The following CYP20A1 variants were observed in gnomAD, a reference collection of about 807,000 sequenced individuals.
The protein encoded by CYP20A1 is cytochrome P450 20A1.
CYP20A1 carries 61 observed loss-of-function variants against 61.4 expected under a neutral mutation model. The observed-to-expected ratio is 0.99, with a 90% confidence interval of 0.81 to 1.23. CYP20A1 has a LOEUF of 1.23. Among genes scored for constraint, CYP20A1 ranks in the 50% most tolerant of loss-of-function variants. The pLI, the probability that CYP20A1 is intolerant of heterozygous loss-of-function variation, is 0.00. For synonymous variants in CYP20A1, 193 were observed against 188.2 expected (o/e 1.03, Z -0.21); for missense variants, 530 against 542.4 (o/e 0.98, Z 0.23).
At chr2:203,294,941 A>ATTTTT (rs1167546590) in intron 11 of CYP20A1, among the ~76,000 whole-genome samples, 10,487 of 44,260 alleles carry the variant, frequency 0.24, 1,657 homozygotes, top group East Asian at 0.36. Context: ...CTTTAAAAAA[A>ATTTTT]TTTTTTTTTT....
At chr2:203,246,497 G>C (rs3769814) in intron 2 of CYP20A1, among the ~76,000 whole-genome samples, 19,658 of 152,234 alleles carry the variant, frequency 0.13, 2,003 homozygotes, top group East Asian at 0.52. Context: ...CAGTATCTAA[G>C]TCGGATGTTC....
In CYP20A1 at chr2:203,278,717, T is replaced by TA. The variant is rs748036020; in HGVS notation, c.795+36dup. 7.8e-6 allele frequency: 10 copies of TA among 1,290,050 alleles called. No homozygotes were observed. The African/African-American group carries it at 1.1e-4, about 14-fold the overall frequency. The allele number at this position is 1,290,050 out of a possible 1,614,324, so 79.9% of individuals were successfully genotyped here. ...ATATAATTGTTAAATGTTTATCAGGTAAAAAAATAAGCCAGAGCCAGGCAC... is the reference window on the plus strand; with the variant it reads ...ATATAATTGTTAAATGTTTATCAGGTAAAAAAAATAAGCCAGAGCCAGGCAC... On this transcript the variant is annotated intron_variant, in intron 7 of 12. Coordinates refer to ENST00000356079, the MANE Select transcript of CYP20A1 (RefSeq NM_177538.3).
At position 203,251,803 on chromosome 2, in the gene CYP20A1, A is replaced by ATATT. The variant is rs1278537492; in HGVS notation, c.290-161_290-160insTTAT. On this transcript the variant is annotated intron_variant, in intron 3 of 12. Coordinates refer to ENST00000356079, the MANE Select transcript of CYP20A1 (RefSeq NM_177538.3). The stretch of plus-strand genomic sequence containing the variant: ...ACTATATATATATGTGTATATATAT[A>ATATT]TATATATATATATAAAAAATAAAAA... Among the ~76,000 whole-genome samples the ATATT allele has an allele frequency of 3.7e-3, 311 of 84,780 alleles. 42 individuals carry two copies. Among genetic ancestry groups the ATATT allele is most frequent in the Admixed American group, 0.036 (296 of 8,284 alleles). 55.6% of individuals were successfully genotyped at this position (84,780 alleles called of 152,430 possible).
At position 203,278,693 on chromosome 2, in the gene CYP20A1, T is replaced by A. The variant is rs777785235; in HGVS notation, c.795+5T>A. ...GGGAACCTTAATGACCAACAGGTGA[T>A]ATAATTGTTAAATGTTTATCAGGTA... On this transcript the variant is annotated splice_donor_5th_base_variant and intron_variant, in intron 7 of 12. Coordinates refer to ENST00000356079, the MANE Select transcript of CYP20A1 (RefSeq NM_177538.3). 95 of 1,439,386 alleles carry A rather than the reference T, an allele frequency of 6.6e-5. No homozygotes were observed. Among genetic ancestry groups the A allele is most frequent in the Non-Finnish European group, 8.3e-5 (87 of 1,044,308 alleles). The allele number at this position is 1,439,386 out of a possible 1,614,324, so 89.2% of individuals were successfully genotyped here. A position where few individuals can be genotyped will look rare whatever the true frequency, so the allele number is the denominator to read the frequency against.
intron 1 of CYP20A1, among the ~76,000 whole-genome samples, chr2:203,243,092 T>C (rs184517226): frequency 6.6e-6 from 1 of 152,302 alleles, no homozygotes; most frequent in Non-Finnish European, 1.5e-5. Flanking sequence ...TAGATAACTT[T>C]TCATTCCTTC....
chr2:203,258,760 A>T (rs2067016188), intron 4 of CYP20A1, among the ~76,000 whole-genome samples: 1 of 152,106 alleles, frequency 6.6e-6, no homozygotes, highest in Non-Finnish European at 1.5e-5. Flanking sequence ...TGTTCTTTGA[A>T]GCTCTCAGGC....
intron 8 of CYP20A1, among the ~76,000 whole-genome samples, chr2:203,281,173 C>A (rs908875801): frequency 2.6e-5 from 4 of 152,050 alleles, no homozygotes; most frequent in African/African-American, 9.7e-5. Context: ...AAAAATACTT[C>A]AATAGGCATA....
At chr2:203,241,373 A>G (rs1043507281) in intron 1 of CYP20A1, among the ~76,000 whole-genome samples, 2 of 152,220 alleles carry the variant, frequency 1.3e-5, no homozygotes, top group Non-Finnish European at 2.9e-5. Context: ...CTGAAGATAC[A>G]CATTTGGGAG....
chr2:203,251,818 A>ATATAT (rs34132653), intron 3 of CYP20A1, 149 bp from the exon 4 acceptor site: 9,691 of 77,294 alleles, frequency 0.13, 948 homozygotes, highest in Admixed American at 0.18. Flanking sequence ...TATATATATA[A>ATATAT]AAAATAAAAA....
chr2:203,275,657 C>T (rs2067789537), intron 6 of CYP20A1, among the ~76,000 whole-genome samples: 1 of 152,158 alleles, frequency 6.6e-6, no homozygotes, highest in African/African-American at 2.4e-5. Flanking sequence ...CCAGGCTTGT[C>T]TCAAACTCCT....
chr2:203,244,568 T>C (rs1208167544), intron 1 of CYP20A1, among the ~76,000 whole-genome samples: 1 of 151,944 alleles, frequency 6.6e-6, no homozygotes, highest in Non-Finnish European at 1.5e-5. Context: ...TTGATTTTTT[T>C]TTTTTTTAAA....
At chr2:203,296,727 T>G in intron 12 of CYP20A1, 31 bp from the exon 13 acceptor site, 1 of 1,565,610 alleles carries the variant, frequency 6.4e-7, no homozygotes, top group Non-Finnish European at 8.6e-7. Context: ...TTTTTAATCT[T>G]TAGTAACTAA....
intron 7 of CYP20A1, 56 bp downstream of exon 7, chr2:203,278,744 A>G (rs2067925035): frequency 1.1e-6 from 1 of 927,298 alleles, no homozygotes; most frequent in Non-Finnish European, 1.6e-6. Flanking sequence ...GCCAGGCACA[A>G]TGGCTCATGA....
At chr2:203,240,239 G>C (rs943793005) in intron 1 of CYP20A1, among the ~76,000 whole-genome samples, 1 of 152,206 alleles carries the variant, frequency 6.6e-6, no homozygotes, top group Non-Finnish European at 1.5e-5. Context: ...AAATGGATTA[G>C]ACTAGAATCT....
At chr2:203,244,125 G>A (rs757581851) in intron 1 of CYP20A1, among the ~76,000 whole-genome samples, 4 of 150,790 alleles carry the variant, frequency 2.7e-5, no homozygotes, top group Admixed American at 1.3e-4. Context: ...AAATGCCCCC[G>A]CCCCCCGTCT....
intron 10 of CYP20A1, among the ~76,000 whole-genome samples, 197 bp downstream of exon 10, chr2:203,290,073 G>A (rs12999644): frequency 2.6e-5 from 4 of 151,682 alleles, no homozygotes; most frequent in African/African-American, 4.8e-5. Context: ...CCCGAGTAGC[G>A]GGGATTACAG....
In CYP20A1 at chr2:203,302,912, T is replaced by G. The variant is rs1231019558; in HGVS notation, c.*6004T>G. Among the ~76,000 whole-genome samples, 1 of 152,098 alleles carries G rather than the reference T, an allele frequency of 6.6e-6. No individual in the cohort carries two copies. Among genetic ancestry groups the G allele is most frequent in the Non-Finnish European group, 1.5e-5 (1 of 68,010 alleles). On this transcript the variant is annotated 3_prime_UTR_variant, in exon 13 of 13. Coordinates refer to ENST00000356079, the MANE Select transcript of CYP20A1 (RefSeq NM_177538.3). ...TTTACCGTGTTGGTCAGGCTGGTCC[T>G]GAACTCTTGACCTTGTGATCTGCCC...
chr2:203,270,361 T>C (rs1420545823), intron 5 of CYP20A1, among the ~76,000 whole-genome samples: 1 of 152,180 alleles, frequency 6.6e-6, no homozygotes, highest in Non-Finnish European at 1.5e-5. Context: ...ATTTACTTTT[T>C]TGTGACACAG....
chr2:203,254,960 C>T (rs923294259), intron 4 of CYP20A1, among the ~76,000 whole-genome samples: 8 of 151,284 alleles, frequency 5.3e-5, no homozygotes, highest in African/African-American at 1.9e-4. Context: ...CACTGCACTC[C>T]AGCCTGGGTA....
Sources: gnomAD v4.1 joint callset for allele counts (sites outside exome capture counted in the v4.1 genomes callset) on GRCh38, gnomAD v4.1.1 for gene constraint, MANE v1.5 for transcripts, NCBI Gene and HGNC (gene_info 2026-07-23, HGNC 2026-07-21) for gene names.